Variants in IFT88 observed in about 807,000 individuals in gnomAD.
IFT88 encodes intraflagellar transport protein 88 homolog.
IFT88 carries 74 observed loss-of-function variants against 119.5 expected under a neutral mutation model. That is an observed-to-expected ratio of 0.62 (90% CI 0.51 to 0.75). The LOEUF (loss-of-function observed/expected upper bound fraction) is 0.75. Ranked by LOEUF, IFT88 falls within the 30% of genes least tolerant of loss-of-function variation. IFT88 has a pLI of 0.00. For synonymous variants in IFT88, 279 were observed against 316.7 expected, an observed-to-expected ratio of 0.88 and a Z score of 1.26; for missense variants, 961 against 977.7, an observed-to-expected ratio of 0.98 and a Z score of 0.23.
At chr13:20,606,718 A>G (rs2043540444) in intron 13 of IFT88, among the ~76,000 whole-genome samples, 1 of 152,012 alleles carries the variant, frequency 6.6e-6, no homozygotes, top group South Asian at 2.1e-4. Context: ...ATCTTTACTA[A>G]AAATACAAAA....
intron 1 of IFT88, among the ~76,000 whole-genome samples, chr13:20,570,863 CA>C (rs1366220081): frequency 2.7e-4 from 41 of 151,892 alleles, no homozygotes; most frequent in African/African-American, 9.9e-4. Context: ...AATTATAGTT[CA>C]AAAACTAATA....
chr13:20,633,863 G>C (rs1407399684), intron 16 of IFT88, among the ~76,000 whole-genome samples: 1 of 152,174 alleles, frequency 6.6e-6, no homozygotes, highest in Non-Finnish European at 1.5e-5. Flanking sequence ...CTCTTGCTGT[G>C]TAATGAACTG....
chr13:20,625,225 T>C (rs1007111110), intron 14 of IFT88, among the ~76,000 whole-genome samples: 3 of 152,234 alleles, frequency 2.0e-5, no homozygotes, highest in African/African-American at 7.2e-5. Flanking sequence ...TCCATTTTCC[T>C]ATCTATAAAA....
chr13:20,657,829 A>G (rs1398369643), intron 22 of IFT88, among the ~76,000 whole-genome samples: 1 of 152,192 alleles, frequency 6.6e-6, no homozygotes, highest in African/African-American at 2.4e-5. Flanking sequence ...ACACAAAAGA[A>G]TGCATTACAA....
Position 20,575,083 on chromosome 13 carries a change from A to G in IFT88, c.90+608A>G, listed in dbSNP as rs186778485. 6.2e-4 allele frequency among the ~76,000 whole-genome samples: 89 copies of G among 143,368 alleles called. No homozygotes were observed. In the Middle Eastern group the frequency reaches 0.011, roughly 17 times the overall value. 94.1% of individuals were successfully genotyped at this position (143,368 alleles called of 152,430 possible). On this transcript the variant is annotated intron_variant, in intron 2 of 25. Transcript: ENST00000351808. Reference sequence around the variant, plus strand: ...TCTTTTTGTTTTTTTTTTTGTACCTATTAACCATTCTCACCCCCTCCCCTG... The same window carrying G: ...TCTTTTTGTTTTTTTTTTTGTACCTGTTAACCATTCTCACCCCCTCCCCTG...
intron 22 of IFT88, among the ~76,000 whole-genome samples, chr13:20,656,787 A>C (rs17055077): frequency 0.019 from 2,865 of 152,320 alleles, 81 homozygotes; most frequent in African/African-American, 0.066. Flanking sequence ...ATTTTAGTAA[A>C]CAACTTCTAA....
In IFT88 at chr13:20,640,445, C is replaced by T. The variant is rs952691177; in HGVS notation, c.1574-845C>T. On this transcript the variant is annotated intron_variant, in intron 17 of 25. Transcript: ENST00000351808. ...AAAATTAGCCAGGCGTGATGGCGGGCGCCTGTAGTCCCAGCTACTCAGGAG... is the reference window on the plus strand; with the variant it reads ...AAAATTAGCCAGGCGTGATGGCGGGTGCCTGTAGTCCCAGCTACTCAGGAG... Among the ~76,000 whole-genome samples the T allele has an allele frequency of 5.9e-5, 9 of 151,924 alleles. No individual in the cohort carries two copies. The East Asian group carries it at 1.6e-3, about 26-fold the overall frequency.
rs2038992788 is a variant in IFT88, at chr13:20,583,033, AT to A, written c.153+22del. The A allele has an allele frequency of 1.9e-5, 30 of 1,580,016 alleles. No individual in the cohort carries two copies. The highest frequency in any genetic ancestry group is 2.3e-5 in the Non-Finnish European group (27 of 1,156,028). On this transcript the variant is annotated intron_variant, in intron 3 of 25. Coordinates refer to ENST00000351808, the MANE Select transcript of IFT88 (RefSeq NM_006531.5). The stretch of plus-strand genomic sequence containing the variant: ...AGAAGACCTCCAGTAAGTGAAAAAA[AT>A]TTTTTTTAAATTGTGGTAAAAAATA...
intron 24 of IFT88, among the ~76,000 whole-genome samples, chr13:20,688,879 ACT>A (rs553448958): frequency 5.3e-4 from 80 of 152,084 alleles, no homozygotes; most frequent in African/African-American, 1.8e-3. Flanking sequence ...GGTGCATGCC[ACT>A]CTGCCCAGCC....
chr13:20,576,206 T>A (rs2037353306), intron 2 of IFT88, among the ~76,000 whole-genome samples: 1 of 139,070 alleles, frequency 7.2e-6, no homozygotes, highest in Non-Finnish European at 1.7e-5. Context: ...TGCCCATTTT[T>A]AAATCAGATT....
chr13:20,672,945 A>G (rs189650066), intron 24 of IFT88, among the ~76,000 whole-genome samples: 2 of 152,282 alleles, frequency 1.3e-5, no homozygotes, highest in East Asian at 3.9e-4. Flanking sequence ...GCATTGTGCA[A>G]CAGTCAAAAG....
rs761614657 is a variant in IFT88, at chr13:20,592,384, G to C, written c.378G>C (p.Leu126Phe). Residue 126 changes from leucine (L) to phenylalanine (F), a missense_variant, in exon 7 of 26, where the codon TTG becomes TTC. Coordinates refer to ENST00000351808, the MANE Select transcript of IFT88 (RefSeq NM_006531.5). ...LSQSRGPASP[L>F]EAKKKDSPEE... ...AGTCAAGGGGCCCTGCTTCCCCTTT[G>C]GAAGCCAAGAAAAAAGATAGGTATG... The C allele has an allele frequency of 4.6e-5, 74 of 1,609,964 alleles. No homozygotes were observed. In the South Asian group the frequency reaches 7.5e-4, roughly 16 times the overall value.
rs567594371 is a variant in IFT88 at position 20,643,435 on chromosome 13, C to T, written c.1683-20C>T. 1.2e-4 allele frequency: 189 copies of T among 1,567,220 alleles called. No individual in the cohort carries two copies. Among genetic ancestry groups the T allele is most frequent in the Non-Finnish European group, 1.6e-4 (180 of 1,160,290 alleles). On this transcript the variant is annotated intron_variant, in intron 18 of 25. Transcript: ENST00000351808. ...TAATGAATTTAGAAAACATGTTTTC[C>T]TTAACTGACATTGCATAAGATATGA... is the stretch of plus-strand genomic sequence containing the variant.
Position 20,670,978 on chromosome 13 carries a change from A to C in IFT88, c.2181A>C (p.Ile727=). ...EKMKEIREQR[I]KSGRDGSGGS... ...TTGTCTTCTCTTTGCTCTAGCGCAT[A>C]AAGTCAGGCAGAGATGGCAGTGGGG... The change falls in exon 24 of 26, where the codon ATA becomes ATC. Residue 727 remains isoleucine, a synonymous_variant. Coordinates refer to ENST00000351808, the MANE Select transcript of IFT88 (RefSeq NM_006531.5). The C allele has an allele frequency of 6.2e-7, 1 of 1,613,790 alleles. No individual in the cohort carries two copies. Among genetic ancestry groups the C allele is most frequent in the Non-Finnish European group, 8.5e-7 (1 of 1,179,772 alleles).
At chr13:20,682,128 T>G (rs2057391170) in intron 24 of IFT88, among the ~76,000 whole-genome samples, 1 of 152,256 alleles carries the variant, frequency 6.6e-6, no homozygotes, top group Admixed American at 6.5e-5. Context: ...CAGGGTCATA[T>G]GCATGCAATT....
Position 20,589,808 on chromosome 13 carries a change from A to C in IFT88, c.154-3A>C, listed in dbSNP as rs1250920997. ...GTTAACTATGTTCTTTTTCCTCCCC[A>C]AGATAACTGCTAAAATATCAAGCAC... On this transcript the variant is annotated splice_region_variant and splice_polypyrimidine_tract_variant and intron_variant, in intron 3 of 25. Transcript: ENST00000351808. 1 of 1,593,900 alleles carries C rather than the reference A, an allele frequency of 6.3e-7. No individual in the cohort carries two copies. Among genetic ancestry groups the C allele is most frequent in the Admixed American group, 1.7e-5 (1 of 59,826 alleles).
chr13:20,592,314 A>G, intron 6 of IFT88, 21 bp from the exon 7 acceptor site: 1 of 1,590,640 alleles, frequency 6.3e-7, no homozygotes, highest in Non-Finnish European at 8.6e-7. Context: ...ATTGAATATT[A>G]ACTCTTGAAT....
chr13:20,568,341 C>CA (rs937872425), intron 1 of IFT88, among the ~76,000 whole-genome samples: 152 of 152,300 alleles, frequency 1.0e-3, no homozygotes, highest in African/African-American at 3.2e-3. Flanking sequence ...GTTGTTCTGC[C>CA]ACCCATAGCT....
intron 24 of IFT88, among the ~76,000 whole-genome samples, chr13:20,679,561 A>G (rs1566467680): frequency 6.6e-6 from 1 of 152,246 alleles, no homozygotes; most frequent in Non-Finnish European, 1.5e-5. Flanking sequence ...TAGAATGATC[A>G]GTATTATACA....
Sources: gnomAD v4.1 joint callset for allele counts (sites outside exome capture counted in the v4.1 genomes callset) on GRCh38, gnomAD v4.1.1 for gene constraint, MANE v1.5 for transcripts, NCBI Gene and HGNC (gene_info 2026-07-23, HGNC 2026-07-21) for gene names.